WNK3: variants seen among roughly 807,000 people sequenced by gnomAD.
WNK3 encodes WNK lysine deficient protein kinase 3.
In WNK3, 18 loss-of-function variants were observed where a neutral mutation model predicts 116.7. The ratio of observed to expected loss-of-function variants is 0.15; its 90% CI spans 0.11 to 0.23. The LOEUF (loss-of-function observed/expected upper bound fraction) is 0.23. Ranked by LOEUF, WNK3 falls within the 10% of genes least tolerant of loss-of-function variation. The pLI, the probability that WNK3 is intolerant of heterozygous loss-of-function variation, is 1.00. For missense variants in WNK3, 993 were observed against 1,323.8 expected (o/e 0.75, Z 3.88); for synonymous variants, 404 against 469.4 (o/e 0.86, Z 1.80).
chrX:54,238,232 C>A, intron 19 of WNK3, 110 bp downstream of exon 19: 1 of 922,612 alleles, frequency 1.1e-6, no homozygotes, highest in Non-Finnish European at 1.4e-6. Flanking sequence ...AACTCCATCT[C>A]AAAAAAAAAT....
chrX:54,228,752 AAAC>A lies in WNK3; in HGVS notation c.4841-12_4841-10del. ...TATAAGGCAGCTTTTCCCTGATATCAAACCAGAAAAAGATAGTATCAAAATTTT... is the reference window on the plus strand; with the variant it reads ...TATAAGGCAGCTTTTCCCTGATATCACAGAAAAAGATAGTATCAAAATTTT... On this transcript the variant is annotated splice_polypyrimidine_tract_variant and intron_variant, in intron 21 of 23. Coordinates refer to ENST00000354646, the Ensembl canonical transcript of WNK3. 4.1e-6 allele frequency: 2 copies of A among 485,575 alleles called. No individual in the cohort carries two copies. The highest frequency in any genetic ancestry group is 7.5e-6 in the Non-Finnish European group (2 of 267,627). The allele number at this position is 485,575 out of a possible 1,213,427, so 40.0% of individuals were successfully genotyped here. A position where few individuals can be genotyped will look rare whatever the true frequency, so the allele number is the denominator to read the frequency against.
chrX:54,201,679 A>C (rs960473321), intron 23 of WNK3, among the ~76,000 whole-genome samples: 1 of 111,962 alleles, frequency 8.9e-6, no homozygotes, highest in Non-Finnish European at 1.9e-5. Flanking sequence ...TTTTAATGGA[A>C]CAAAGCCATG....
At chrX:54,298,447 C>T (rs1459878768) in intron 6 of WNK3, 53 bp from the exon 7 acceptor site, 11 of 863,569 alleles carry the variant, frequency 1.3e-5, no homozygotes, top group Non-Finnish European at 1.8e-5. Context: ...ATAGCAAGAC[C>T]CTTTAATTAC....
At chrX:54,197,262 G>A (rs1409459659) in exon 24 of WNK3, 3 of 112,165 alleles carry the variant, frequency 2.7e-5, no homozygotes, top group Non-Finnish European at 5.6e-5. Context: ...AACCAATGTA[G>A]TATGCATGTG....
chrX:54,229,071 CT>C (rs2146834086), intron 21 of WNK3, among the ~76,000 whole-genome samples: 1 of 111,557 alleles, frequency 9.0e-6, no homozygotes, highest in African/African-American at 3.2e-5. Flanking sequence ...AAGAAAACTT[CT>C]AGAACAAATA....
At chrX:54,197,173 C>T (rs976314118) in exon 24 of WNK3, 4 of 111,643 alleles carry the variant, frequency 3.6e-5, no homozygotes, top group Non-Finnish European at 7.5e-5. Flanking sequence ...AAGGATTCCC[C>T]CCAAACGAGA....
rs55819333 is a variant in WNK3, at chrX:54,255,821, G to T, written c.2169C>A (p.Gly723=). 6,437 of 1,206,906 alleles carry T rather than the reference G, an allele frequency of 5.3e-3. 18 individuals carry two copies. The highest frequency in any genetic ancestry group is 5.8e-3 in the Non-Finnish European group (5,185 of 893,796). The change falls in exon 12 of 24, where the codon GGC becomes GGA. Residue 723 remains glycine (G), a synonymous_variant. Coordinates refer to ENST00000354646, the Ensembl canonical transcript of WNK3. ...TTCTCTGTTTGATCCGATCCTGTTT[G>T]CCATTTCCACTTGGGTTATCAGGGC...
intron 23 of WNK3, among the ~76,000 whole-genome samples, chrX:54,199,771 T>A (rs1557141222): frequency 8.9e-6 from 1 of 111,856 alleles, no homozygotes; most frequent in Admixed American, 9.5e-5. Flanking sequence ...AGGCATAGGC[T>A]GCAGTGAGCA....
intron 22 of WNK3, among the ~76,000 whole-genome samples, chrX:54,217,136 C>T (rs943386959): frequency 9.2e-6 from 1 of 109,121 alleles, no homozygotes; most frequent in African/African-American, 3.3e-5. Flanking sequence ...GGCTAACACG[C>T]TGAAACCCCA....
intron 22 of WNK3, among the ~76,000 whole-genome samples, chrX:54,216,292 A>AAT (rs782332737): frequency 0.01 from 997 of 99,054 alleles, 10 homozygotes; most frequent in East Asian, 0.056. Flanking sequence ...TAAATACTAA[A>AAT]ATATATATAT....
intron 10 of WNK3, among the ~76,000 whole-genome samples, chrX:54,280,976 C>A (rs3021279): frequency 3.6e-5 from 4 of 111,156 alleles, no homozygotes; most frequent in African/African-American, 1.3e-4. Flanking sequence ...CTGAGAACTA[C>A]AAAATACTGC....
At chrX:54,278,771 T>TA (rs1557161608) in intron 10 of WNK3, among the ~76,000 whole-genome samples, 2 of 111,763 alleles carry the variant, frequency 1.8e-5, no homozygotes, top group African/African-American at 6.5e-5. Flanking sequence ...GCCTCTAACT[T>TA]AAAAAAACAT....
intron 1 of WNK3, among the ~76,000 whole-genome samples, chrX:54,355,129 C>T (rs1439231265): frequency 9.0e-6 from 1 of 111,537 alleles, no homozygotes; most frequent in Non-Finnish European, 1.9e-5. Flanking sequence ...CTTCTGCCTA[C>T]TCTGGTTCTT....
At chrX:54,316,223 T>C (rs1262371542) in intron 2 of WNK3, among the ~76,000 whole-genome samples, 1 of 110,854 alleles carries the variant, frequency 9.0e-6, no homozygotes, top group African/African-American at 3.3e-5. Context: ...CTTGATCCAA[T>C]AGGATTAGTA....
intron 10 of WNK3, among the ~76,000 whole-genome samples, chrX:54,265,348 G>A (rs972616506): frequency 4.5e-5 from 5 of 111,083 alleles, no homozygotes; most frequent in South Asian, 3.9e-4. Flanking sequence ...TTAGCCGGGC[G>A]TGGTGGCATG....
intron 19 of WNK3, 83 bp downstream of exon 19, chrX:54,238,259 G>T: frequency 9.6e-7 from 1 of 1,042,608 alleles, no homozygotes; most frequent in Non-Finnish European, 1.3e-6. Context: ...AAAAATGGAA[G>T]TATCATCTAC....
At chrX:54,288,211 G>A (rs1229954319) in intron 10 of WNK3, among the ~76,000 whole-genome samples, 1 of 111,432 alleles carries the variant, frequency 9.0e-6, no homozygotes, top group East Asian at 2.8e-4. Flanking sequence ...ACTTGAGGCT[G>A]CTCTAAAGGC....
At chrX:54,287,852 C>A (rs2068596940) in intron 10 of WNK3, among the ~76,000 whole-genome samples, 1 of 111,915 alleles carries the variant, frequency 8.9e-6, no homozygotes, top group African/African-American at 3.2e-5. Flanking sequence ...AGAAAAATCA[C>A]AATCATCCTT....
intron 22 of WNK3, among the ~76,000 whole-genome samples, chrX:54,205,526 G>A (rs1420909970): frequency 9.0e-6 from 1 of 110,910 alleles, no homozygotes; most frequent in African/African-American, 3.3e-5. Flanking sequence ...AGGGACTAGG[G>A]CAACAACCAC....
Sources: allele counts gnomAD v4.1 joint callset (sites outside exome capture counted in the v4.1 genomes callset), GRCh38; gene constraint gnomAD v4.1.1; transcripts MANE v1.5; gene names NCBI Gene and HGNC (gene_info 2026-07-23, HGNC 2026-07-21).